ATG101: variants seen among roughly 807,000 people sequenced by gnomAD.
ATG101 encodes autophagy related 101, also known as autophagy-related protein 101.
ATG101 carries 6 observed loss-of-function variants against 16.7 expected under a neutral mutation model. That is an observed-to-expected ratio of 0.36 (90% CI 0.20 to 0.71). The LOEUF (loss-of-function observed/expected upper bound fraction) is 0.71, where lower values mean the gene tolerates loss of function less well. ATG101 is among the 30% of genes least tolerant of loss of function. The pLI, the probability that ATG101 is intolerant of heterozygous loss-of-function variation, is 0.57. For missense variants in ATG101, 200 were observed against 292.5 expected (o/e 0.68, Z 2.31); for synonymous variants, 108 against 118.1 (o/e 0.91, Z 0.56).
chr12:52,071,720 G>T (rs1346352764), intron 2 of ATG101, among the ~76,000 whole-genome samples: 1 of 152,058 alleles, frequency 6.6e-6, no homozygotes, highest in African/African-American at 2.4e-5. Flanking sequence ...TGGGAGGCTG[G>T]GATGGGAGCC....
chr12:52,073,984 G>A, intron 3 of ATG101, 82 bp downstream of exon 3: 2 of 1,553,194 alleles, frequency 1.3e-6, no homozygotes, highest in South Asian at 2.4e-5. Context: ...ACTCCAGCTT[G>A]GTGTTGAACC....
At chr12:52,074,054 T>C (rs536602051) in intron 3 of ATG101, 152 bp downstream of exon 3, 2 of 1,211,488 alleles carry the variant, frequency 1.7e-6, no homozygotes, top group Non-Finnish European at 2.3e-6. Flanking sequence ...ACAGATGTGT[T>C]GAGAGCTCCT....
intron 3 of ATG101, among the ~76,000 whole-genome samples, chr12:52,075,873 CTG>C (rs1448079761): frequency 6.6e-6 from 1 of 152,166 alleles, no homozygotes; most frequent in East Asian, 1.9e-4. Flanking sequence ...ATAAAAGAGA[CTG>C]TGAACTGGGT....
upstream of ATG101, among the ~76,000 whole-genome samples, chr12:52,066,736 T>C (rs1939552892): frequency 6.6e-6 from 1 of 152,046 alleles, no homozygotes; most frequent in East Asian, 1.9e-4. Context: ...GTTCAATGAT[T>C]GGTAGTAGTG....
chr12:52,070,890 G>A (rs1210716449), intron 2 of ATG101: 2 of 152,208 alleles, frequency 1.3e-5, no homozygotes, highest in African/African-American at 2.4e-5. Context: ...TAAAACTGGA[G>A]GGCAAAACGA....
chr12:52,065,885 T>C (rs1408822991), upstream of ATG101, among the ~76,000 whole-genome samples: 1 of 152,074 alleles, frequency 6.6e-6, no homozygotes, highest in Non-Finnish European at 1.5e-5. Flanking sequence ...GATTGATTGA[T>C]TGATTGATTG....
Position 52,073,677 on chromosome 12 carries a change from G to A in ATG101, c.27G>A (p.Glu9=). The change falls in exon 3 of 4, where the codon GAG becomes GAA. Residue 9 remains glutamate (E), a synonymous_variant. Coordinates refer to ENST00000336854, the MANE Select transcript of ATG101 (RefSeq NM_021934.5). The stretch of plus-strand genomic sequence containing the variant: ...TGAACTGTCGCTCGGAGGTGCTGGA[G>A]GTGTCGGTGGAGGGGCGGCAGGTGG... MNCRSEVL[E]VSVEGRQVEE... is the part of the protein sequence containing the mutation. 6.2e-7 allele frequency: 1 copy of A among 1,614,016 alleles called. No homozygotes were observed. Among genetic ancestry groups the A allele is most frequent in the Non-Finnish European group, 8.5e-7 (1 of 1,179,922 alleles).
upstream of ATG101, among the ~76,000 whole-genome samples, chr12:52,067,902 C>A (rs1265067389): frequency 6.6e-6 from 1 of 150,662 alleles, no homozygotes; most frequent in African/African-American, 2.4e-5. Context: ...GGCCCAATTT[C>A]TTATCTATAT....
At chr12:52,069,294 C>T (rs1048872187), upstream of ATG101, 6 of 152,240 alleles carry the variant, frequency 3.9e-5, no homozygotes, top group Non-Finnish European at 5.9e-5. Context: ...GAATTACTAG[C>T]CTCCGAAGGA....
rs887852558 is a variant in ATG101 at position 52,077,398 on chromosome 12, C to G, written c.*208C>G. 2 of 617,098 alleles carry G rather than the reference C, an allele frequency of 3.2e-6. No individual in the cohort carries two copies. Among genetic ancestry groups the G allele is most frequent in the African/African-American group, 3.7e-5 (2 of 54,214 alleles). 38.2% of individuals were successfully genotyped at this position (617,098 alleles called of 1,614,324 possible). On this transcript the variant is annotated 3_prime_UTR_variant, in exon 4 of 4. Coordinates refer to ENST00000336854, the MANE Select transcript of ATG101 (RefSeq NM_021934.5). ...GACGGTTCAGTCCTGCCTCTACTGT[C>G]TCTCCATAGCCCTGGTGGGGTCCCC...
At position 52,077,477 on chromosome 12, in the gene ATG101, G is replaced by A. The variant is rs1939753074; in HGVS notation, c.*287G>A. 7.3e-6 allele frequency: 3 copies of A among 409,326 alleles called. No homozygotes were observed. The highest frequency in any genetic ancestry group is 1.3e-5 in the Non-Finnish European group (3 of 226,864). The allele number at this position is 409,326 out of a possible 1,614,324, so 25.4% of individuals were successfully genotyped here. The stretch of plus-strand genomic sequence containing the variant: ...CCACTGGGATGGGGAATAAAGTTGA[G>A]AACATGAGTTTGGGCTGAGCCATCT... On this transcript the variant is annotated 3_prime_UTR_variant, in exon 4 of 4. Transcript: ENST00000336854.
At chr12:52,072,600 A>G (rs1474116847) in intron 2 of ATG101, among the ~76,000 whole-genome samples, 2 of 152,084 alleles carry the variant, frequency 1.3e-5, no homozygotes, top group African/African-American at 4.8e-5. Flanking sequence ...TGTCTCTAGA[A>G]ATAGGTGAGA....
upstream of ATG101, among the ~76,000 whole-genome samples, chr12:52,066,480 C>A (rs1233934758): frequency 6.6e-6 from 1 of 152,092 alleles, no homozygotes; most frequent in Non-Finnish European, 1.5e-5. Context: ...ATCAGAACAC[C>A]CCACAGACAA....
In ATG101 at chr12:52,077,366, C is replaced by A; in HGVS notation, c.*176C>A. 1 of 721,380 alleles carries A rather than the reference C, an allele frequency of 1.4e-6. No individual in the cohort carries two copies. Among genetic ancestry groups the A allele is most frequent in the African/African-American group, 1.8e-5 (1 of 56,210 alleles). 44.7% of individuals were successfully genotyped at this position (721,380 alleles called of 1,614,324 possible). A position where few individuals can be genotyped will look rare whatever the true frequency, so the allele number is the denominator to read the frequency against. On this transcript the variant is annotated 3_prime_UTR_variant, in exon 4 of 4. Coordinates refer to ENST00000336854, the MANE Select transcript of ATG101 (RefSeq NM_021934.5). ...GCCAGCCTCAGGTCATCCTTTTAAT[C>A]TTTGCTGACGGTTCAGTCCTGCCTC... is the stretch of plus-strand genomic sequence containing the variant.
At position 52,077,171 on chromosome 12, in the gene ATG101, A is replaced by G. The variant is rs1206851212; in HGVS notation, c.638A>G (p.Lys213Arg). ...ACCACCACCATGCGCAGGCTCATCAAAGACACCCTTGCCCTCTGAGCGTCG... is the reference window on the plus strand; with the variant it reads ...ACCACCACCATGCGCAGGCTCATCAGAGACACCCTTGCCCTCTGAGCGTCG... ...SVTTTMRRLI[K>R]DTLAL The change falls in exon 4 of 4, where the codon AAA (lysine) becomes AGA (arginine). Residue 213 changes from lysine to arginine, a missense_variant. By Grantham distance (26) the Lys-to-Arg change is conservative. Transcript: ENST00000336854. The G allele has an allele frequency of 2.5e-6, 4 of 1,613,474 alleles. No homozygotes were observed. The highest frequency in any genetic ancestry group is 3.3e-5 in the Admixed American group (2 of 59,990).
chr12:52,067,891 C>A (rs116377453), upstream of ATG101, among the ~76,000 whole-genome samples: 2 of 151,812 alleles, frequency 1.3e-5, no homozygotes, highest in East Asian at 3.9e-4. Context: ...CCACCATGCC[C>A]GGCCCAATTT....
Position 52,073,645 on chromosome 12 carries a change from T to A in ATG101, c.-6T>A. On this transcript the variant is annotated 5_prime_UTR_variant, in exon 3 of 4. Coordinates refer to ENST00000336854, the MANE Select transcript of ATG101 (RefSeq NM_021934.5). ...CCACACCTTGGTGTGGGTTACTGGGTGCAGGATGAACTGTCGCTCGGAGGT... is the reference window on the plus strand; with the variant it reads ...CCACACCTTGGTGTGGGTTACTGGGAGCAGGATGAACTGTCGCTCGGAGGT... 6.2e-7 allele frequency: 1 copy of A among 1,611,664 alleles called. No homozygotes were observed. The highest frequency in any genetic ancestry group is 8.5e-7 in the Non-Finnish European group (1 of 1,178,406).
At chr12:52,074,527 CTT>C (rs111830977) in intron 3 of ATG101, among the ~76,000 whole-genome samples, 10 of 146,756 alleles carry the variant, frequency 6.8e-5, no homozygotes, top group African/African-American at 1.2e-4. Context: ...TTCTTTCTTC[CTT>C]TTTTTTTTTT....
intron 2 of ATG101, among the ~76,000 whole-genome samples, chr12:52,072,619 A>G (rs1039465206): frequency 2.0e-5 from 3 of 152,026 alleles, no homozygotes; most frequent in African/African-American, 7.2e-5. Context: ...GATTTGGTAT[A>G]TGTGTGTGTG....
Sources: allele counts gnomAD v4.1 joint callset (sites outside exome capture counted in the v4.1 genomes callset), GRCh38; gene constraint gnomAD v4.1.1; transcripts MANE v1.5; gene names NCBI Gene and HGNC (gene_info 2026-07-23, HGNC 2026-07-21).